CSPP1: variants seen among roughly 807,000 people sequenced by gnomAD.
CSPP1 encodes centrosome and spindle pole associated protein 1, also known as centrosome and spindle pole-associated protein 1.
A neutral mutation model predicts 164.4 loss-of-function variants in CSPP1; 126 were observed. The observed-to-expected ratio is 0.77, with a 90% confidence interval of 0.66 to 0.89. The LOEUF (loss-of-function observed/expected upper bound fraction) is 0.89. Ranked by LOEUF, CSPP1 falls within the 40% of genes least tolerant of loss-of-function variation. The probability of loss-of-function intolerance (pLI) is 0.00; values close to 1 mark genes in which losing one functional copy is unlikely to be tolerated. For missense variants in CSPP1, 1,395 were observed against 1,449.8 expected (o/e 0.96, Z 0.61); for synonymous variants, 472 against 476.7 (o/e 0.99, Z 0.13).
chr8:67,079,144 C>G (rs1331455089), intron 3 of CSPP1, among the ~76,000 whole-genome samples: 1 of 152,088 alleles, frequency 6.6e-6, no homozygotes, highest in East Asian at 1.9e-4. Context: ...TATACATTCC[C>G]CGAGTGTCCA....
intron 26 of CSPP1, chr8:67,175,715 C>G: frequency 1.9e-6 from 1 of 531,862 alleles, no homozygotes; most frequent in Non-Finnish European, 3.5e-6. Context: ...ACGTCTGCAT[C>G]AGGAACTAGG....
intron 28 of CSPP1, among the ~76,000 whole-genome samples, chr8:67,187,717 G>T (rs1311334254): frequency 6.6e-6 from 1 of 152,144 alleles, no homozygotes; most frequent in Admixed American, 6.5e-5. Context: ...CGCAAATACA[G>T]TCAGCTGATC....
At chr8:67,156,138 A>G (rs1392458609) in intron 19 of CSPP1, among the ~76,000 whole-genome samples, 2 of 152,162 alleles carry the variant, frequency 1.3e-5, no homozygotes, top group Non-Finnish European at 2.9e-5. Flanking sequence ...AATTGTATAG[A>G]CTTTTATTGT....
At chr8:67,192,283 C>G (rs1359631661) in intron 29 of CSPP1, among the ~76,000 whole-genome samples, 1 of 152,096 alleles carries the variant, frequency 6.6e-6, no homozygotes, top group East Asian at 1.9e-4. Flanking sequence ...CCATGTTGGC[C>G]AGGCTGGTCT....
intron 7 of CSPP1, among the ~76,000 whole-genome samples, chr8:67,100,543 T>G (rs562709240): frequency 1.3e-5 from 2 of 151,900 alleles, no homozygotes; most frequent in South Asian, 4.1e-4. Flanking sequence ...CCCCAAGTTA[T>G]GCTTTTAAGA....
intron 29 of CSPP1, among the ~76,000 whole-genome samples, chr8:67,192,246 T>C (rs1836540719): frequency 6.6e-6 from 1 of 152,074 alleles, no homozygotes; most frequent in Non-Finnish European, 1.5e-5. Flanking sequence ...GGCTAAGTTT[T>C]GTATTTTTAG....
At chr8:67,159,971 CTTTT>C (rs1827864540) in intron 21 of CSPP1, among the ~76,000 whole-genome samples, 2 of 51,994 alleles carry the variant, frequency 3.8e-5, no homozygotes, top group Admixed American at 2.5e-4. Context: ...CTTTTCTTTT[CTTTT>C]CTTTTCTTTT....
intron 19 of CSPP1, among the ~76,000 whole-genome samples, chr8:67,154,437 G>A (rs1052805676): frequency 6.6e-6 from 1 of 151,938 alleles, no homozygotes; most frequent in Non-Finnish European, 1.5e-5. Context: ...TGAGATCTTC[G>A]CTCACTGCAA....
chr8:67,105,620 G>T (rs1815335048), intron 8 of CSPP1, among the ~76,000 whole-genome samples: 1 of 152,034 alleles, frequency 6.6e-6, no homozygotes, highest in South Asian at 2.1e-4. Context: ...CTGACCTCAG[G>T]CAATCCACCC....
intron 24 of CSPP1, among the ~76,000 whole-genome samples, chr8:67,168,134 A>C (rs1829808905): frequency 1.3e-5 from 2 of 152,158 alleles, no homozygotes; most frequent in Admixed American, 6.5e-5. Flanking sequence ...GTTTCCACCA[A>C]AAAAGTACGA....
At chr8:67,194,947 GTTGAAGAGTATTCCCCAAACC>G (rs1837528645) in intron 30 of CSPP1, among the ~76,000 whole-genome samples, 1 of 152,076 alleles carries the variant, frequency 6.6e-6, no homozygotes, top group Non-Finnish European at 1.5e-5. Flanking sequence ...AGTGTTGTAG[GTTGAAGAGTATTCCCCAAACC>G]TTGCTTTAAA....
intron 17 of CSPP1, among the ~76,000 whole-genome samples, chr8:67,141,725 T>C (rs1823544884): frequency 6.6e-6 from 1 of 152,186 alleles, no homozygotes; most frequent in African/African-American, 2.4e-5. Context: ...TTCACCATGT[T>C]GGTGGTCTTG....
chr8:67,150,612 AG>A (rs1825528590), intron 18 of CSPP1, among the ~76,000 whole-genome samples: 1 of 152,132 alleles, frequency 6.6e-6, no homozygotes, highest in South Asian at 2.1e-4. Flanking sequence ...CCATTTAGCC[AG>A]GCTGGTCTCG....
chr8:67,180,071 C>T, intron 28 of CSPP1, 145 bp downstream of exon 28: 1 of 518,340 alleles, frequency 1.9e-6, no homozygotes, highest in Non-Finnish European at 3.3e-6. Context: ...TCAGATATGC[C>T]TTGGAAAGTT....
chr8:67,159,578 A>G (rs1280358263), intron 21 of CSPP1, among the ~76,000 whole-genome samples: 2 of 122,994 alleles, frequency 1.6e-5, no homozygotes, highest in Non-Finnish European at 3.1e-5. Context: ...TCTGGAGTGC[A>G]GTGGCACAAT....
intron 1 of CSPP1, among the ~76,000 whole-genome samples, chr8:67,066,781 T>TTTGA (rs1330829956): frequency 7.0e-6 from 1 of 143,052 alleles, no homozygotes; most frequent in African/African-American, 3.0e-5. Context: ...ATATTTGTTT[T>TTTGA]TTGTTTGTTT....
At chr8:67,162,910 G>T (rs1828651567) in intron 22 of CSPP1, among the ~76,000 whole-genome samples, 2 of 152,190 alleles carry the variant, frequency 1.3e-5, no homozygotes, top group African/African-American at 2.4e-5. Flanking sequence ...AGCAGAATGA[G>T]TTCTGGACTC....
chr8:67,078,522 A>G (rs571924875), intron 3 of CSPP1, among the ~76,000 whole-genome samples: 71 of 151,906 alleles, frequency 4.7e-4, no homozygotes, highest in African/African-American at 1.7e-3. Flanking sequence ...TTTTTTTTAT[A>G]TACATATATT....
chr8:67,145,064 A>G (rs1824248798), intron 17 of CSPP1, among the ~76,000 whole-genome samples: 1 of 151,822 alleles, frequency 6.6e-6, no homozygotes, highest in Admixed American at 6.6e-5. Flanking sequence ...TCAAAAAAAA[A>G]AAAAAAAAGC....
Sources: allele counts gnomAD v4.1 joint callset (sites outside exome capture counted in the v4.1 genomes callset), GRCh38; gene constraint gnomAD v4.1.1; transcripts MANE v1.5; gene names NCBI Gene and HGNC (gene_info 2026-07-23, HGNC 2026-07-21).